Variants in ANKS1B observed in about 807,000 individuals in gnomAD.
The protein encoded by ANKS1B is ankyrin repeat and sterile alpha motif domain-containing protein 1B.
A neutral mutation model predicts 148.3 loss-of-function variants in ANKS1B; 36 were observed. The observed-to-expected ratio is 0.24, with a 90% CI of 0.19 to 0.32. The LOEUF is 0.32. Ranked by LOEUF, ANKS1B falls within the 10% of genes least tolerant of loss-of-function variation. The pLI, the probability that ANKS1B is intolerant of heterozygous loss-of-function variation, is 1.00. For synonymous variants in ANKS1B, 542 were observed against 560.8 expected, an observed-to-expected ratio of 0.97 and a Z score of 0.47; for missense variants, 1,157 against 1,542.6, an observed-to-expected ratio of 0.75 and a Z score of 4.19.
At chr12:99,181,948 C>T (rs1035406974) in intron 14 of ANKS1B, among the ~76,000 whole-genome samples, 2 of 152,102 alleles carry the variant, frequency 1.3e-5, no homozygotes. Flanking sequence ...ATCTCCCCTT[C>T]CTCCTTATCC....
intron 1 of ANKS1B, among the ~76,000 whole-genome samples, chr12:99,832,739 G>C (rs1017596195): frequency 1.3e-5 from 2 of 150,198 alleles, no homozygotes; most frequent in Non-Finnish European, 3.0e-5. Flanking sequence ...AAAAAAGAGA[G>C]AGAGAGAGAG....
intron 1 of ANKS1B, among the ~76,000 whole-genome samples, chr12:99,949,081 T>C (rs969167649): frequency 1.6e-4 from 25 of 152,182 alleles, no homozygotes; most frequent in African/African-American, 5.8e-4. Flanking sequence ...ATGAAATATT[T>C]ATACATGAGA....
intron 10 of ANKS1B, among the ~76,000 whole-genome samples, chr12:99,463,510 AG>A (rs2096027102): frequency 6.6e-6 from 1 of 152,190 alleles, no homozygotes; most frequent in African/African-American, 2.4e-5. Context: ...GGGAAGTGCA[AG>A]GGGGCAGGGA....
chr12:99,710,599 A>G (rs984269497), intron 8 of ANKS1B, among the ~76,000 whole-genome samples: 4 of 145,700 alleles, frequency 2.7e-5, no homozygotes, highest in Non-Finnish European at 6.0e-5. Context: ...TACCTTCAGT[A>G]GCAAAAATTC....
chr12:99,308,593 C>A (rs2082673150), intron 12 of ANKS1B, among the ~76,000 whole-genome samples: 1 of 151,820 alleles, frequency 6.6e-6, no homozygotes, highest in South Asian at 2.1e-4. Flanking sequence ...TATTTTCAAG[C>A]TAATTTTGGC....
chr12:99,770,912 A>G (rs187865407), intron 8 of ANKS1B, among the ~76,000 whole-genome samples: 252 of 152,292 alleles, frequency 1.7e-3, no homozygotes, highest in Non-Finnish European at 2.0e-3. Flanking sequence ...ACAGGAACGA[A>G]GAGTGGTGTT....
chr12:98,873,913 G>A (rs1374812888), intron 17 of ANKS1B, among the ~76,000 whole-genome samples: 1 of 147,618 alleles, frequency 6.8e-6, no homozygotes, highest in African/African-American at 2.4e-5. Flanking sequence ...ATGGTGGGTG[G>A]GGGGAAAGGA....
chr12:98,929,570 A>G (rs1256571625), intron 17 of ANKS1B, among the ~76,000 whole-genome samples: 1 of 152,066 alleles, frequency 6.6e-6, no homozygotes, highest in Non-Finnish European at 1.5e-5. Flanking sequence ...AAGCATAAGA[A>G]CAGTATTGGT....
At chr12:99,131,866 C>T (rs2066190746) in intron 15 of ANKS1B, among the ~76,000 whole-genome samples, 1 of 152,196 alleles carries the variant, frequency 6.6e-6, no homozygotes, top group African/African-American at 2.4e-5. Flanking sequence ...AAAGATGCAG[C>T]TGCTAAGCCA....
At chr12:99,879,689 T>G (rs1023994367) in intron 1 of ANKS1B, among the ~76,000 whole-genome samples, 1 of 152,204 alleles carries the variant, frequency 6.6e-6, no homozygotes, top group African/African-American at 2.4e-5. Flanking sequence ...TTTCCTATAC[T>G]ACAGATGAAG....
At chr12:99,938,694 C>T (rs2094841495) in intron 1 of ANKS1B, among the ~76,000 whole-genome samples, 1 of 152,156 alleles carries the variant, frequency 6.6e-6, no homozygotes, top group African/African-American at 2.4e-5. Flanking sequence ...TTGTAAGATT[C>T]AAGCGGCAAT....
chr12:99,662,536 T>C (rs1259393271), intron 8 of ANKS1B, among the ~76,000 whole-genome samples: 2 of 152,160 alleles, frequency 1.3e-5, no homozygotes, highest in Admixed American at 6.5e-5. Context: ...CTCATAGATG[T>C]TTTATTAGTG....
chr12:99,761,206 G>A (rs535801019), intron 8 of ANKS1B, among the ~76,000 whole-genome samples: 3 of 150,082 alleles, frequency 2.0e-5, no homozygotes, highest in South Asian at 2.1e-4. Context: ...TCATGAAGCC[G>A]CCATCATCCT....
intron 15 of ANKS1B, among the ~76,000 whole-genome samples, chr12:99,143,241 T>C (rs939462176): frequency 8.5e-5 from 13 of 152,136 alleles, no homozygotes; most frequent in Non-Finnish European, 1.9e-4. Context: ...TTCTATGGAC[T>C]CAAGGGGCAG....
intron 12 of ANKS1B, among the ~76,000 whole-genome samples, chr12:99,399,398 A>G (rs1289158210): frequency 6.6e-6 from 1 of 152,120 alleles, no homozygotes; most frequent in African/African-American, 2.4e-5. Context: ...TATTTTTACT[A>G]CTATAATCAC....
chr12:99,763,596 C>T (rs2062366570), intron 8 of ANKS1B, among the ~76,000 whole-genome samples: 1 of 151,914 alleles, frequency 6.6e-6, no homozygotes, highest in Non-Finnish European at 1.5e-5. Context: ...TACACCAAAT[C>T]CCAGTGACAC....
chr12:99,541,578 T>C (rs550348465), intron 9 of ANKS1B, among the ~76,000 whole-genome samples: 1 of 152,268 alleles, frequency 6.6e-6, no homozygotes, highest in South Asian at 2.1e-4. Flanking sequence ...AACATGCTTC[T>C]GGTCGGGCAT....
intron 18 of ANKS1B, chr12:98,830,956 T>TTTTTTTTTTG: frequency 7.4e-6 from 1 of 135,026 alleles, no homozygotes; most frequent in Non-Finnish European, 1.6e-5. Context: ...TTTTTTTTTT[T>TTTTTTTTTTG]TTTTTTTTTG....
intron 1 of ANKS1B, among the ~76,000 whole-genome samples, chr12:99,933,238 A>C (rs962590850): frequency 1.3e-5 from 2 of 152,000 alleles, no homozygotes; most frequent in Admixed American, 6.6e-5. Context: ...GGCTTTGTCT[A>C]TTTTGGGTCC....
Sources: allele counts gnomAD v4.1 joint callset (sites outside exome capture counted in the v4.1 genomes callset), GRCh38; gene constraint gnomAD v4.1.1; transcripts MANE v1.5; gene names NCBI Gene and HGNC (gene_info 2026-07-23, HGNC 2026-07-21).